The following ERICH4 variants were observed in gnomAD, a reference collection of about 807,000 sequenced individuals.
The protein encoded by ERICH4 is glutamate rich 4.
In ERICH4, 4 loss-of-function variants were observed where a neutral mutation model predicts 5.2. The observed-to-expected ratio is 0.77, with a 90% CI of 0.38 to 1.76. The LOEUF is 1.76. Among genes scored for constraint, ERICH4 ranks in the 40% most tolerant of loss-of-function variants. The pLI is 0.04. For synonymous variants in ERICH4, 75 were observed against 68.7 expected, an observed-to-expected ratio of 1.09 and a Z score of -0.45; for missense variants, 164 against 159.8, an observed-to-expected ratio of 1.03 and a Z score of -0.14.
In ERICH4 at chr19:41,444,100, T is replaced by A. The variant is rs2040145400; in HGVS notation, c.269T>A (p.Leu90Ter). Residue 90 changes from leucine to a stop codon, truncating the protein, a stop_gained, in exon 2 of 2, where the codon TTG becomes TAG. Transcript: ENST00000378187. LOFTEE classifies it low-confidence loss of function (END_TRUNC). Reference sequence around the variant, plus strand: ...CTGCGGGAGGAACTGGTCACCATATTGGAGGAGGAGGAGGAGAGCAGCAAG... The same window carrying A: ...CTGCGGGAGGAACTGGTCACCATATAGGAGGAGGAGGAGGAGAGCAGCAAG... ...GALREELVTI[L>*]EEEEESSKEE... is the part of the protein sequence containing the mutation. The A allele has an allele frequency of 1.3e-6, 2 of 1,550,938 alleles. No homozygotes were observed. Among genetic ancestry groups the A allele is most frequent in the Non-Finnish European group, 1.7e-6 (2 of 1,146,616 alleles).
Position 41,444,196 on chromosome 19 carries a change from A to T in ERICH4, c.365A>T (p.His122Leu). 6.4e-7 allele frequency: 1 copy of T among 1,552,302 alleles called. No individual in the cohort carries two copies. Among genetic ancestry groups the T allele is most frequent in the Non-Finnish European group, 8.7e-7 (1 of 1,147,144 alleles). ...CACCTGGAGGCCTGCCCAGCCCCAC[A>T]TCCACCTGACTTTGAGATGATGATC... is the stretch of plus-strand genomic sequence containing the variant. ...EEHLEACPAP[H>L]PPDFEMMI Residue 122 changes from histidine to leucine, a missense_variant, in exon 2 of 2, where the codon CAT becomes CTT. His to Leu is a moderately conservative substitution (Grantham distance 99). Coordinates refer to ENST00000378187, the MANE Select transcript of ERICH4 (RefSeq NM_001130514.3).
At position 41,444,380 on chromosome 19, in the gene ERICH4, C is replaced by A; in HGVS notation, c.*156C>A. 1.3e-6 allele frequency: 1 copy of A among 750,668 alleles called. No individual in the cohort carries two copies. The highest frequency in any genetic ancestry group is 2.2e-6 in the Non-Finnish European group (1 of 453,252). The allele number at this position is 750,668 out of a possible 1,614,324, so 46.5% of individuals were successfully genotyped here. On this transcript the variant is annotated 3_prime_UTR_variant, in exon 2 of 2. Transcript: ENST00000378187. Reference sequence around the variant, plus strand: ...CCTGCAATGATATTTAGGCATTGGCCTGTGAGCTATGGGTGTGTTTGCAGA... The same window carrying A: ...CCTGCAATGATATTTAGGCATTGGCATGTGAGCTATGGGTGTGTTTGCAGA...
chr19:41,443,253 C>T lies in ERICH4; in HGVS notation c.84C>T (p.Ser28=), dbSNP rs2040132478. 7.0e-7 allele frequency: 1 copy of T among 1,435,900 alleles called. No individual in the cohort carries two copies. The highest frequency in any genetic ancestry group is 9.2e-7 in the Non-Finnish European group (1 of 1,088,666). The allele number at this position is 1,435,900 out of a possible 1,614,324, so 88.9% of individuals were successfully genotyped here. Residue 28 remains serine, a synonymous_variant, in exon 1 of 2, where the codon TCC becomes TCT. Transcript: ENST00000378187. ...CCCCCCAGGCCCTGAGGGAGGTCTCCCCAGTGGAAATCCCTGGTCAGACCC... is the reference window on the plus strand; with the variant it reads ...CCCCCCAGGCCCTGAGGGAGGTCTCTCCAGTGGAAATCCCTGGTCAGACCC... The part of the protein sequence containing the change: ...GPPPQALREV[S]PVEIPGQTLR...
In ERICH4 at chr19:41,444,164, G is replaced by A. The variant is rs1568533509; in HGVS notation, c.333G>A (p.Glu111=). ...EEDQEPQRKQ[E]EEHLEACPAP... Reference sequence around the variant, plus strand: ...ATCAAGAGCCCCAGAGGAAGCAGGAGGAGGAACACCTGGAGGCCTGCCCAG... The same window carrying A: ...ATCAAGAGCCCCAGAGGAAGCAGGAAGAGGAACACCTGGAGGCCTGCCCAG... Residue 111 remains glutamate, a synonymous_variant, in exon 2 of 2, where the codon GAG becomes GAA. Coordinates refer to ENST00000378187, the MANE Select transcript of ERICH4 (RefSeq NM_001130514.3). 1 of 1,552,152 alleles carries A rather than the reference G, an allele frequency of 6.4e-7. No homozygotes were observed. The highest frequency in any genetic ancestry group is 1.4e-5 in the African/African-American group (1 of 73,138).
chr19:41,444,108 G>A lies in ERICH4; in HGVS notation c.277G>A (p.Glu93Lys). Reference sequence around the variant, plus strand: ...GGAACTGGTCACCATATTGGAGGAGGAGGAGGAGAGCAGCAAGGAAGAGGA... The same window carrying A: ...GGAACTGGTCACCATATTGGAGGAGAAGGAGGAGAGCAGCAAGGAAGAGGA... Reference protein sequence around the residue: ...REELVTILEEEEESSKEEEED... With the variant: ...REELVTILEEKEESSKEEEED... Residue 93 changes from glutamate to lysine, a missense_variant, in exon 2 of 2, where the codon GAG (glutamate) becomes AAG (lysine). By Grantham distance (56) the Glu-to-Lys change is moderately conservative. Coordinates refer to ENST00000378187, the MANE Select transcript of ERICH4 (RefSeq NM_001130514.3). 6.4e-7 allele frequency: 1 copy of A among 1,552,030 alleles called. No individual in the cohort carries two copies. Among genetic ancestry groups the A allele is most frequent in the South Asian group, 1.2e-5 (1 of 84,056 alleles).
Position 41,444,073 on chromosome 19 carries a change from C to T in ERICH4, c.242C>T (p.Ala81Val), listed in dbSNP as rs150607510. 5,931 of 1,550,928 alleles carry T rather than the reference C, an allele frequency of 3.8e-3. 22 individuals are homozygous for T. Among genetic ancestry groups the T allele is most frequent in the Non-Finnish European group, 4.5e-3 (5,125 of 1,146,788 alleles). ...TGCAGCCTGGGGCTGGAGATGGGGG[C>T]GCTGCGGGAGGAACTGGTCACCATA... ...QLCSLGLEMG[A>V]LREELVTILE... The change falls in exon 2 of 2, where the codon GCG becomes GTG. Residue 81 changes from alanine to valine, a missense_variant. Transcript: ENST00000378187.
Position 41,444,191 on chromosome 19 carries a change from C to T in ERICH4, c.360C>T (p.Ala120=). The part of the protein sequence containing the change: ...QEEEHLEACP[A]PHPPDFEMMI ...AGGAACACCTGGAGGCCTGCCCAGC[C>T]CCACATCCACCTGACTTTGAGATGA... Residue 120 remains alanine (A), a synonymous_variant, in exon 2 of 2, where the codon GCC becomes GCT. Transcript: ENST00000378187. The T allele has an allele frequency of 6.4e-7, 1 of 1,552,202 alleles. No homozygotes were observed. The highest frequency in any genetic ancestry group is 8.7e-7 in the Non-Finnish European group (1 of 1,147,116).
At chr19:41,443,367 A>G in intron 1 of ERICH4, 24 bp downstream of exon 1, 1 of 1,290,886 alleles carries the variant, frequency 7.7e-7, no homozygotes, top group Non-Finnish European at 9.9e-7. Context: ...TTGGAAGGGA[A>G]AGAGAAAGAG....
At position 41,444,679 on chromosome 19, in the gene ERICH4, A is replaced by G. The variant is rs1600049106; in HGVS notation, c.*455A>G. On this transcript the variant is annotated 3_prime_UTR_variant, in exon 2 of 2. Transcript: ENST00000378187. ...AAAGGCTTAGTATGATGAAAAGAACATAAGACATCTCAATAATTTTTAGAT... is the reference window on the plus strand; with the variant it reads ...AAAGGCTTAGTATGATGAAAAGAACGTAAGACATCTCAATAATTTTTAGAT... The G allele has an allele frequency of 6.0e-6, 1 of 165,366 alleles. No individual in the cohort carries two copies. The allele number at this position is 165,366 out of a possible 1,614,324, so 10.2% of individuals were successfully genotyped here.
Position 41,444,092 on chromosome 19 carries a change from C to T in ERICH4, c.261C>T (p.Val87=). The T allele has an allele frequency of 6.4e-7, 1 of 1,551,718 alleles. No homozygotes were observed. The change falls in exon 2 of 2, where the codon GTC becomes GTT. Residue 87 remains valine (V), a synonymous_variant. Transcript: ENST00000378187. ...TGGGGGCGCTGCGGGAGGAACTGGT[C>T]ACCATATTGGAGGAGGAGGAGGAGA... is the stretch of plus-strand genomic sequence containing the variant. ...LEMGALREEL[V]TILEEEEESS...
Position 41,444,181 on chromosome 19 carries a change from C to T in ERICH4, c.350C>T (p.Ala117Val). ...QRKQEEEHLE[A>V]CPAPHPPDFE... ...AAGCAGGAGGAGGAACACCTGGAGG[C>T]CTGCCCAGCCCCACATCCACCTGAC... The change falls in exon 2 of 2, where the codon GCC (alanine) becomes GTC (valine). Residue 117 changes from alanine (A) to valine (V), a missense_variant. By Grantham distance (64) the Ala-to-Val change is moderately conservative. Coordinates refer to ENST00000378187, the MANE Select transcript of ERICH4 (RefSeq NM_001130514.3). 6.4e-7 allele frequency: 1 copy of T among 1,552,160 alleles called. No individual in the cohort carries two copies. The highest frequency in any genetic ancestry group is 2.4e-5 in the East Asian group (1 of 40,922).
At position 41,443,305 on chromosome 19, in the gene ERICH4, G is replaced by A; in HGVS notation, c.136G>A (p.Gly46Ser). The A allele has an allele frequency of 7.5e-7, 1 of 1,335,564 alleles. No homozygotes were observed. Among genetic ancestry groups the A allele is most frequent in the Non-Finnish European group, 9.7e-7 (1 of 1,031,942 alleles). The allele number at this position is 1,335,564 out of a possible 1,614,324, so 82.7% of individuals were successfully genotyped here. A position where few individuals can be genotyped will look rare whatever the true frequency, so the allele number is the denominator to read the frequency against. The change falls in exon 1 of 2, where the codon GGT (glycine) becomes AGT (serine). Residue 46 changes from glycine to serine, a missense_variant. Gly to Ser is a moderately conservative substitution (Grantham distance 56). Transcript: ENST00000378187. ...CAGGACTGCAGGGGCAGACACTGGA[G>A]GTGCCTGCGATAGTCTGCTGTGGAT... is the stretch of plus-strand genomic sequence containing the variant. Reference protein sequence around the residue: ...TLRTAGADTGGACDSLLWIRE... With the variant: ...TLRTAGADTGSACDSLLWIRE...
Position 41,444,270 on chromosome 19 carries a change from G to A in ERICH4, c.*46G>A, listed in dbSNP as rs1555773586. The A allele has an allele frequency of 6.5e-7, 1 of 1,543,722 alleles. No individual in the cohort carries two copies. Among genetic ancestry groups the A allele is most frequent in the South Asian group, 1.2e-5 (1 of 83,884 alleles). On this transcript the variant is annotated 3_prime_UTR_variant, in exon 2 of 2. Coordinates refer to ENST00000378187, the MANE Select transcript of ERICH4 (RefSeq NM_001130514.3). ...ATTGACATACAAATGAGATGCAAATGTATGTAAAGGAGAAGGGAGATTTGC... is the reference window on the plus strand; with the variant it reads ...ATTGACATACAAATGAGATGCAAATATATGTAAAGGAGAAGGGAGATTTGC...
rs1555773631 is a variant in ERICH4, at chr19:41,444,692, A to G, written c.*468A>G. The G allele has an allele frequency of 6.2e-6, 1 of 162,076 alleles. No individual in the cohort carries two copies. Among genetic ancestry groups the G allele is most frequent in the African/African-American group, 2.4e-5 (1 of 41,530 alleles). The allele number at this position is 162,076 out of a possible 1,614,324, so 10.0% of individuals were successfully genotyped here. A position where few individuals can be genotyped will look rare whatever the true frequency, so the allele number is the denominator to read the frequency against. Reference sequence around the variant, plus strand: ...GATGAAAAGAACATAAGACATCTCAATAATTTTTAGATTACTTATTGAAAT... The same window carrying G: ...GATGAAAAGAACATAAGACATCTCAGTAATTTTTAGATTACTTATTGAAAT... On this transcript the variant is annotated 3_prime_UTR_variant, in exon 2 of 2. Coordinates refer to ENST00000378187, the MANE Select transcript of ERICH4 (RefSeq NM_001130514.3).
Position 41,443,358 on chromosome 19 carries a change from T to G in ERICH4, c.174+15T>G. The stretch of plus-strand genomic sequence containing the variant: ...GGGAGGAGCTGGTGAGTGAGGGGTT[T>G]GGAAGGGAAAGAGAAAGAGAGGAAA... On this transcript the variant is annotated intron_variant, in intron 1 of 1. Coordinates refer to ENST00000378187, the MANE Select transcript of ERICH4 (RefSeq NM_001130514.3). 1 of 1,284,264 alleles carries G rather than the reference T, an allele frequency of 7.8e-7. No homozygotes were observed. The highest frequency in any genetic ancestry group is 2.7e-5 in the South Asian group (1 of 36,842). 79.6% of individuals were successfully genotyped at this position (1,284,264 alleles called of 1,614,324 possible).
chr19:41,444,106 A>T lies in ERICH4; in HGVS notation c.275A>T (p.Glu92Val), dbSNP rs2040145529. 3 of 1,551,702 alleles carry T rather than the reference A, an allele frequency of 1.9e-6. No individual in the cohort carries two copies. The highest frequency in any genetic ancestry group is 1.7e-6 in the Non-Finnish European group (2 of 1,146,992). The change falls in exon 2 of 2, where the codon GAG becomes GTG. Residue 92 changes from glutamate (E) to valine (V), a missense_variant. Glu to Val is a moderately radical substitution (Grantham distance 121). Transcript: ENST00000378187. ...LREELVTILEEEEESSKEEEE... is the reference protein window; with the variant it reads ...LREELVTILEVEEESSKEEEE... The stretch of plus-strand genomic sequence containing the variant: ...GAGGAACTGGTCACCATATTGGAGG[A>T]GGAGGAGGAGAGCAGCAAGGAAGAG...
rs550718728 is a variant in ERICH4, at chr19:41,444,695, A to T, written c.*471A>T. 1 of 161,658 alleles carries T rather than the reference A, an allele frequency of 6.2e-6. No individual in the cohort carries two copies. The highest frequency in any genetic ancestry group is 5.6e-5 in the Admixed American group (1 of 17,756). 10.0% of individuals were successfully genotyped at this position (161,658 alleles called of 1,614,324 possible). ...GAAAAGAACATAAGACATCTCAATA[A>T]TTTTTAGATTACTTATTGAAATAAT... is the stretch of plus-strand genomic sequence containing the variant. On this transcript the variant is annotated 3_prime_UTR_variant, in exon 2 of 2. Transcript: ENST00000378187.
chr19:41,443,487 G>C, intron 1 of ERICH4, 144 bp downstream of exon 1: 1 of 660,506 alleles, frequency 1.5e-6, no homozygotes, highest in Non-Finnish European at 2.2e-6. Flanking sequence ...GACACCGAGA[G>C]ACAGACATAG....
rs1555773539 is a variant in ERICH4, at chr19:41,444,053, C to T, written c.222C>T (p.Ser74=). 1 of 1,550,870 alleles carries T rather than the reference C, an allele frequency of 6.4e-7. No homozygotes were observed. Among genetic ancestry groups the T allele is most frequent in the South Asian group, 1.2e-5 (1 of 84,022 alleles). ...TCCAGCTGCTGGGACAGCTGTGCAG[C>T]CTGGGGCTGGAGATGGGGGCGCTGC... The part of the protein sequence containing the change: ...VDVQLLGQLC[S]LGLEMGALRE... The change falls in exon 2 of 2, where the codon AGC becomes AGT. Residue 74 remains serine (S), a synonymous_variant. Coordinates refer to ENST00000378187, the MANE Select transcript of ERICH4 (RefSeq NM_001130514.3).
Sources: allele counts gnomAD v4.1 joint callset, GRCh38; gene constraint gnomAD v4.1.1; transcripts MANE v1.5; gene names NCBI Gene and HGNC (gene_info 2026-07-23, HGNC 2026-07-21).